SREBF2: variants seen among roughly 807,000 people sequenced by gnomAD.
SREBF2 encodes sterol regulatory element binding transcription factor 2.
SREBF2 carries 55 observed loss-of-function variants against 113.1 expected under a neutral mutation model. That is an observed-to-expected ratio of 0.49 (90% CI 0.39 to 0.61). SREBF2 has a LOEUF of 0.61. Among genes scored for constraint, SREBF2 ranks in the 20% least tolerant of loss-of-function variants. SREBF2 has a pLI of 0.00. For synonymous variants in SREBF2, 593 were observed against 605.7 expected (o/e 0.98, Z 0.31); for missense variants, 1,349 against 1,487.4 (o/e 0.91, Z 1.53).
intron 14 of SREBF2, among the ~76,000 whole-genome samples, chr22:41,898,147 G>A (rs191835786): frequency 1.3e-5 from 2 of 152,056 alleles, no homozygotes; most frequent in Admixed American, 1.3e-4. Context: ...TCTTACTCTT[G>A]TTGCCCAGGC....
chr22:41,859,200 A>G (rs2077003497), intron 1 of SREBF2, among the ~76,000 whole-genome samples: 2 of 152,150 alleles, frequency 1.3e-5, no homozygotes, highest in Non-Finnish European at 2.9e-5. Context: ...AGAAATATAT[A>G]AATACCACAA....
chr22:41,840,515 A>G (rs1200571877), intron 1 of SREBF2, among the ~76,000 whole-genome samples: 3 of 152,212 alleles, frequency 2.0e-5, no homozygotes, highest in Non-Finnish European at 2.9e-5. Flanking sequence ...GAGAAAGAGT[A>G]CATTTAGGTA....
At chr22:41,888,994 CTG>C (rs1298672911) in intron 11 of SREBF2, among the ~76,000 whole-genome samples, 1 of 152,206 alleles carries the variant, frequency 6.6e-6, no homozygotes, top group African/African-American at 2.4e-5. Context: ...GGGCTGGCCT[CTG>C]TGAAAATGGT....
intron 11 of SREBF2, among the ~76,000 whole-genome samples, chr22:41,887,985 A>G (rs2077315486): frequency 6.6e-6 from 1 of 152,030 alleles, no homozygotes; most frequent in Non-Finnish European, 1.5e-5. Flanking sequence ...CCTCTTTTTC[A>G]TTTGGACTAT....
chr22:41,876,588 A>C lies in SREBF2; in HGVS notation c.1387-641A>C, dbSNP rs74863994. Among the ~76,000 whole-genome samples, 422 of 152,328 alleles carry C rather than the reference A, an allele frequency of 2.8e-3. 1 individual carries two copies. Among genetic ancestry groups the C allele is most frequent in the African/African-American group, 1.0e-2 (414 of 41,580 alleles). ...CTGGCTTCAGCCCTCCTGCTGTAAA[A>C]TGGAGAGTGGGGTGGGTGTAGACAA... On this transcript the variant is annotated intron_variant, in intron 7 of 18. Coordinates refer to ENST00000361204, the MANE Select transcript of SREBF2 (RefSeq NM_004599.4).
chr22:41,834,621 C>T (rs763729782), intron 1 of SREBF2: 3 of 152,632 alleles, frequency 2.0e-5, no homozygotes, highest in Non-Finnish European at 4.4e-5. Flanking sequence ...AATGCAGCAG[C>T]TAATTGAAAA....
intron 1 of SREBF2, among the ~76,000 whole-genome samples, chr22:41,846,588 G>A (rs527409386): frequency 7.2e-5 from 11 of 152,278 alleles, no homozygotes; most frequent in Admixed American, 4.6e-4. Context: ...AGTTTCTGCC[G>A]CCAAATATAC....
rs1438954494 is a variant in SREBF2, at chr22:41,906,404, G to A, written c.*744G>A. 5 of 188,404 alleles carry A rather than the reference G, an allele frequency of 2.7e-5. No individual in the cohort carries two copies. Among genetic ancestry groups the A allele is most frequent in the African/African-American group, 1.2e-4 (5 of 41,908 alleles). 11.7% of individuals were successfully genotyped at this position (188,404 alleles called of 1,614,324 possible). The stretch of plus-strand genomic sequence containing the variant: ...GTTCCTTCCCACTCCCCGCCTCCTA[G>A]GATGTTAGCCCAAGCTCAGGGTAGG... On this transcript the variant is annotated 3_prime_UTR_variant, in exon 19 of 19. Coordinates refer to ENST00000361204, the MANE Select transcript of SREBF2 (RefSeq NM_004599.4).
At position 41,900,444 on chromosome 22, in the gene SREBF2, C is replaced by T. The variant is rs1569411552; in HGVS notation, c.2853C>T (p.His951=). 6.2e-7 allele frequency: 1 copy of T among 1,613,898 alleles called. No individual in the cohort carries two copies. The highest frequency in any genetic ancestry group is 1.1e-5 in the South Asian group (1 of 91,088). ...GCCATTGCGAGAGGGCCAGTGGCCA[C>T]CTATGGAGCAGCCTCAACGTCAGTG... ...SFCHCERASG[H]LWSSLNVSGA... The change falls in exon 16 of 19, where the codon CAC becomes CAT. Residue 951 remains histidine, a synonymous_variant. Transcript: ENST00000361204.
chr22:41,859,505 CA>C (rs1200627149), intron 1 of SREBF2, among the ~76,000 whole-genome samples: 1 of 151,780 alleles, frequency 6.6e-6, no homozygotes, highest in Non-Finnish European at 1.5e-5. Flanking sequence ...CATGCATAAG[CA>C]AATGCAAAAT....
rs2077206862 is a variant in SREBF2, at chr22:41,877,440, C to T, written c.1579+19C>T. 1 of 1,613,276 alleles carries T rather than the reference C, an allele frequency of 6.2e-7. No homozygotes were observed. On this transcript the variant is annotated intron_variant, in intron 8 of 18. Coordinates refer to ENST00000361204, the MANE Select transcript of SREBF2 (RefSeq NM_004599.4). ...GAGTCAGGTAGGTGGAGGCCCCTTG[C>T]CCCACCTGGGCATGGCTGGACCACT...
intron 1 of SREBF2, among the ~76,000 whole-genome samples, chr22:41,860,036 A>T (rs987986960): frequency 6.6e-6 from 1 of 151,344 alleles, no homozygotes; most frequent in Non-Finnish European, 1.5e-5. Context: ...CGATCTCCTG[A>T]CCTCATGATC....
At position 41,833,204 on chromosome 22, in the gene SREBF2, G is replaced by C; in HGVS notation, c.-67G>C. On this transcript the variant is annotated 5_prime_UTR_variant, in exon 1 of 19. Coordinates refer to ENST00000361204, the MANE Select transcript of SREBF2 (RefSeq NM_004599.4). This position sits in a 1 kb window ranked among gnomAD's most constrained non-coding sequence, Gnocchi z 4.1. ...GGGTTGTCGGGTGTCATGGGCGGTG[G>C]CGACGGCACCGCCCCCGCGTCTCCC... 1 of 1,314,190 alleles carries C rather than the reference G, an allele frequency of 7.6e-7. No homozygotes were observed. Among genetic ancestry groups the C allele is most frequent in the Non-Finnish European group, 1.0e-6 (1 of 972,198 alleles). 81.4% of individuals were successfully genotyped at this position (1,314,190 alleles called of 1,614,324 possible).
intron 10 of SREBF2, among the ~76,000 whole-genome samples, chr22:41,882,289 G>T (rs972139429): frequency 1.2e-4 from 19 of 152,166 alleles, no homozygotes; most frequent in African/African-American, 4.6e-4. Flanking sequence ...GTGAGCGATG[G>T]TGCCACCAAC....
At chr22:41,861,970 A>C (rs2077031294) in intron 1 of SREBF2, among the ~76,000 whole-genome samples, 1 of 151,814 alleles carries the variant, frequency 6.6e-6, no homozygotes, top group South Asian at 2.1e-4. Context: ...TGCATAATAA[A>C]TACAAAATAT....
At chr22:41,900,265 C>G in intron 15 of SREBF2, 65 bp from the exon 16 acceptor site, 2 of 1,587,328 alleles carry the variant, frequency 1.3e-6, no homozygotes, top group East Asian at 4.6e-5. Context: ...CTGGCTTGGG[C>G]CCCTCTGCCT....
chr22:41,867,189 G>C lies in SREBF2; in HGVS notation c.447G>C (p.Thr149=), dbSNP rs1258687225. The C allele has an allele frequency of 1.2e-6, 2 of 1,614,112 alleles. No individual in the cohort carries two copies. Among genetic ancestry groups the C allele is most frequent in the Admixed American group, 1.7e-5 (1 of 60,008 alleles). Residue 149 remains threonine, a synonymous_variant, in exon 2 of 19, where the codon ACG becomes ACC. Coordinates refer to ENST00000361204, the MANE Select transcript of SREBF2 (RefSeq NM_004599.4). ...CTCAAACTCAGCTGCAACAACAGAC[G>C]GTAATGATCACGCCAACATTCAGCA... The part of the protein sequence containing the change: ...PQPQTQLQQQ[T]VMITPTFSTT...
At chr22:41,864,259 T>TACACACAC (rs1388382956) in intron 1 of SREBF2, among the ~76,000 whole-genome samples, 77 of 65,226 alleles carry the variant, frequency 1.2e-3, no homozygotes, top group East Asian at 3.7e-3. Flanking sequence ...TATATATATA[T>TACACACAC]ATACACACAC....
intron 9 of SREBF2, chr22:41,878,748 C>G: frequency 7.7e-7 from 1 of 1,304,124 alleles, no homozygotes; most frequent in Non-Finnish European, 1.0e-6. Flanking sequence ...CCAGAACACT[C>G]CTCAGCAGCA....
Sources: gnomAD v4.1 joint callset for allele counts (sites outside exome capture counted in the v4.1 genomes callset) on GRCh38, gnomAD v4.1.1 for gene constraint, Gnocchi (gnomAD v3.1) non-coding constraint, MANE v1.5 for transcripts, NCBI Gene and HGNC (gene_info 2026-07-23, HGNC 2026-07-21) for gene names.